GRAMD1B: variants seen among roughly 807,000 people sequenced by gnomAD.
The protein encoded by GRAMD1B is protein Aster-B.
In GRAMD1B, 37 loss-of-function variants were observed where a neutral mutation model predicts 99.7. The ratio of observed to expected loss-of-function variants is 0.37; its 90% confidence interval spans 0.29 to 0.49. The LOEUF (loss-of-function observed/expected upper bound fraction) is 0.49, where lower values mean the gene tolerates loss of function less well. Among genes scored for constraint, GRAMD1B ranks in the 20% least tolerant of loss-of-function variants. GRAMD1B has a pLI of 0.98. For missense variants in GRAMD1B, 888 were observed against 1,009.2 expected (o/e 0.88, Z 1.63); for synonymous variants, 427 against 387.6 (o/e 1.10, Z -1.19).
intron 2 of GRAMD1B, among the ~76,000 whole-genome samples, chr11:123,562,053 A>G (rs960643484): frequency 7.2e-5 from 11 of 152,186 alleles, no homozygotes; most frequent in African/African-American, 2.4e-4. Context: ...GTCATCACCT[A>G]GAAGAAAAAC....
At chr11:123,537,323 A>T (rs964639679) in intron 2 of GRAMD1B, among the ~76,000 whole-genome samples, 1 of 152,160 alleles carries the variant, frequency 6.6e-6, no homozygotes, top group Non-Finnish European at 1.5e-5. Flanking sequence ...AGACTGGGAG[A>T]TTCTTTGTTT....
intron 1 of GRAMD1B, 107 bp downstream of exon 1, chr11:123,431,273 C>A (rs1948874527): frequency 6.7e-6 from 4 of 596,306 alleles, no homozygotes; most frequent in Non-Finnish European, 1.2e-5. Flanking sequence ...GAACAGGAGC[C>A]CGTCACCAGA....
At chr11:123,475,252 A>G (rs2134727294) in intron 1 of GRAMD1B, among the ~76,000 whole-genome samples, 1 of 152,186 alleles carries the variant, frequency 6.6e-6, no homozygotes, top group East Asian at 1.9e-4. Flanking sequence ...AGCCTAGTGA[A>G]TTTCTCCCTT....
chr11:123,368,595 G>A (rs112922403), intron 1 of GRAMD1B, among the ~76,000 whole-genome samples: 4,933 of 133,962 alleles, frequency 0.037, 269 homozygotes, highest in African/African-American at 0.12. Flanking sequence ...CACGAGAATC[G>A]TTTGAACCAA....
chr11:123,411,831 G>A (rs1481362894), intron 1 of GRAMD1B, among the ~76,000 whole-genome samples: 1 of 151,850 alleles, frequency 6.6e-6, no homozygotes, highest in African/African-American at 2.4e-5. Flanking sequence ...TATTTTTTTG[G>A]TAGAGATGGG....
chr11:123,557,269 T>C (rs1946270211), intron 2 of GRAMD1B, among the ~76,000 whole-genome samples: 3 of 152,252 alleles, frequency 2.0e-5, no homozygotes, highest in South Asian at 2.1e-4. Flanking sequence ...CTTCTCATCA[T>C]GAAAGCCTTG....
At chr11:123,375,716 C>T (rs916861699) in intron 1 of GRAMD1B, among the ~76,000 whole-genome samples, 13 of 152,172 alleles carry the variant, frequency 8.5e-5, no homozygotes, top group African/African-American at 2.9e-4. Context: ...ATAAGAAACA[C>T]ATTTCACACC....
intron 10 of GRAMD1B, among the ~76,000 whole-genome samples, chr11:123,605,933 G>A (rs1695476394): frequency 6.6e-6 from 1 of 152,194 alleles, no homozygotes; most frequent in African/African-American, 2.4e-5. Flanking sequence ...CTTTATGGAA[G>A]CCATAAAAAT....
At chr11:123,479,819 G>A (rs188146429) in intron 1 of GRAMD1B, among the ~76,000 whole-genome samples, 65 of 152,274 alleles carry the variant, frequency 4.3e-4, no homozygotes, top group African/African-American at 1.5e-3. Flanking sequence ...AACTTCATTT[G>A]TGGACACTAA....
chr11:123,379,402 A>T (rs1283920639), intron 1 of GRAMD1B, among the ~76,000 whole-genome samples: 1 of 151,688 alleles, frequency 6.6e-6, no homozygotes, highest in Non-Finnish European at 1.5e-5. Context: ...TTTTGTTGAG[A>T]TATCTTAAAA....
intron 2 of GRAMD1B, among the ~76,000 whole-genome samples, chr11:123,514,061 A>T (rs1039555860): frequency 6.6e-6 from 1 of 152,214 alleles, no homozygotes; most frequent in Non-Finnish European, 1.5e-5. Flanking sequence ...GAGAGAGTTC[A>T]GTATGGAGAG....
chr11:123,399,742 T>C (rs1177214379), intron 1 of GRAMD1B, among the ~76,000 whole-genome samples: 4 of 152,136 alleles, frequency 2.6e-5, no homozygotes, highest in Admixed American at 1.3e-4. Context: ...CTTGAGTAGC[T>C]GGAATTAAAT....
At chr11:123,526,428 T>A (rs1355091392) in intron 2 of GRAMD1B, among the ~76,000 whole-genome samples, 1 of 152,154 alleles carries the variant, frequency 6.6e-6, no homozygotes, top group Non-Finnish European at 1.5e-5. Context: ...AGAATCAAAT[T>A]GCAGCTAAAA....
intron 1 of GRAMD1B, among the ~76,000 whole-genome samples, chr11:123,407,186 A>T (rs1947884546): frequency 6.6e-6 from 1 of 152,240 alleles, no homozygotes; most frequent in Non-Finnish European, 1.5e-5. Context: ...GGTCTATAAC[A>T]CTCAGAAAGG....
chr11:123,439,494 C>G (rs1434273969), intron 1 of GRAMD1B, among the ~76,000 whole-genome samples: 1 of 152,104 alleles, frequency 6.6e-6, no homozygotes, highest in Non-Finnish European at 1.5e-5. Flanking sequence ...GCCTTTGGTC[C>G]CTTTGTGGAA....
chr11:123,462,426 G>T (rs1402677486), intron 1 of GRAMD1B, among the ~76,000 whole-genome samples: 1 of 152,136 alleles, frequency 6.6e-6, no homozygotes, highest in African/African-American at 2.4e-5. Flanking sequence ...TTGCTTTCTA[G>T]CTGAGGGCTG....
chr11:123,526,017 C>T (rs1011856451), intron 2 of GRAMD1B: 8 of 730,410 alleles, frequency 1.1e-5, no homozygotes, highest in Admixed American at 1.1e-4. Context: ...CTTTCTCTTT[C>T]TGTGTTCAAG....
chr11:123,541,468 G>A (rs1944519598), intron 2 of GRAMD1B, among the ~76,000 whole-genome samples: 1 of 150,314 alleles, frequency 6.7e-6, no homozygotes, highest in South Asian at 2.1e-4. Context: ...ACATTGGTTT[G>A]CATTTCTTTG....
chr11:123,618,602 G>A (rs771438726), intron 17 of GRAMD1B, 91 bp from the exon 18 acceptor site: 56 of 840,738 alleles, frequency 6.7e-5, no homozygotes, highest in Non-Finnish European at 1.1e-4. Context: ...ATGGCCCACC[G>A]GTCAGGGACA....
Sources: gnomAD v4.1 joint callset for allele counts (sites outside exome capture counted in the v4.1 genomes callset) on GRCh38, gnomAD v4.1.1 for gene constraint, MANE v1.5 for transcripts, NCBI Gene and HGNC (gene_info 2026-07-23, HGNC 2026-07-21) for gene names.